Variants in SOX13 observed in about 807,000 individuals in gnomAD.
SOX13 encodes transcription factor SOX-13.
Under a neutral mutation model 71.8 loss-of-function variants are expected in SOX13, and 28 were observed. The ratio of observed to expected loss-of-function variants is 0.39; its 90% confidence interval spans 0.29 to 0.53. The LOEUF (loss-of-function observed/expected upper bound fraction) is 0.53. SOX13 is among the 20% of genes least tolerant of loss of function. The probability of loss-of-function intolerance (pLI) is 0.70; values close to 1 mark genes in which losing one functional copy is unlikely to be tolerated. For synonymous variants in SOX13, 309 were observed against 317.8 expected (o/e 0.97, Z 0.29); for missense variants, 627 against 810.3 (o/e 0.77, Z 2.75).
chr1:204,117,703 A>G lies in SOX13; in HGVS notation c.771A>G (p.Lys257=), dbSNP rs1403334116. 1 of 1,609,298 alleles carries G rather than the reference A, an allele frequency of 6.2e-7. No individual in the cohort carries two copies. Among genetic ancestry groups the G allele is most frequent in the East Asian group, 2.2e-5 (1 of 44,856 alleles). The change falls in exon 7 of 14, where the codon AAA becomes AAG. Residue 257 remains lysine (K), a synonymous_variant. Transcript: ENST00000367204. ...TACCCATTCAGCCCATTCCCTGCAA[A>G]CCAGGTGAGTGTGAGAAGGGAGGTT... ...LALPIQPIPC[K]PVEYPLQLLH...
Position 204,100,742 on chromosome 1 carries a change from G to T in SOX13, c.-1-12173G>T, listed in dbSNP as rs188044989. On this transcript the variant is annotated intron_variant, in intron 1 of 13. Coordinates refer to ENST00000367204, the MANE Select transcript of SOX13 (RefSeq NM_005686.3). ...ACTGGAAGAATGAATGCTGCCTGAG[G>T]AAGAGCTGCTAAACTGGGGTGTCCG... Among the ~76,000 whole-genome samples the T allele has an allele frequency of 1.1e-3, 167 of 152,356 alleles. 1 individual carries two copies. The highest frequency in any genetic ancestry group is 3.8e-3 in the African/African-American group (159 of 41,578).
intron 1 of SOX13, among the ~76,000 whole-genome samples, chr1:204,079,722 T>C (rs1415575161): frequency 1.3e-5 from 2 of 152,170 alleles, no homozygotes; most frequent in Admixed American, 6.5e-5. Flanking sequence ...CAGGGGGTCC[T>C]TCCTGCTTTA....
At chr1:204,108,053 G>A (rs1310050994) in intron 1 of SOX13, among the ~76,000 whole-genome samples, 2 of 152,180 alleles carry the variant, frequency 1.3e-5, no homozygotes, top group Admixed American at 1.3e-4. Context: ...GAGGCTAAGT[G>A]TGTGTAGAAG....
At chr1:204,105,999 C>T (rs1384700720) in intron 1 of SOX13, among the ~76,000 whole-genome samples, 1 of 152,158 alleles carries the variant, frequency 6.6e-6, no homozygotes, top group Non-Finnish European at 1.5e-5. Context: ...GGTTACTGAC[C>T]TTAAAACCTC....
In SOX13 at chr1:204,114,705, C is replaced by T. The variant is rs1656654157; in HGVS notation, c.418+100C>T. 4.5e-6 allele frequency: 4 copies of T among 892,194 alleles called. No homozygotes were observed. In the South Asian group the frequency reaches 5.4e-5, roughly 12 times the overall value. 55.3% of individuals were successfully genotyped at this position (892,194 alleles called of 1,614,324 possible). On this transcript the variant is annotated intron_variant, in intron 4 of 13. Coordinates refer to ENST00000367204, the MANE Select transcript of SOX13 (RefSeq NM_005686.3). ...TCTGTAGGGCAGTTCTTGGTACATACCTATCCTGTGCCATCTGGCTCCTGC... is the reference window on the plus strand; with the variant it reads ...TCTGTAGGGCAGTTCTTGGTACATATCTATCCTGTGCCATCTGGCTCCTGC...
chr1:204,117,012 C>G, intron 5 of SOX13, 110 bp from the exon 6 acceptor site: 1 of 1,084,478 alleles, frequency 9.2e-7, no homozygotes, highest in Non-Finnish European at 1.4e-6. Context: ...ACTGCCACCC[C>G]ACTCCATGGC....
intron 8 of SOX13, 32 bp from the exon 9 acceptor site, chr1:204,122,205 T>C: frequency 6.5e-7 from 1 of 1,528,852 alleles, no homozygotes; most frequent in Non-Finnish European, 8.8e-7. Context: ...CTTTGGTGTC[T>C]GTCATCCTCT....
intron 13 of SOX13, among the ~76,000 whole-genome samples, chr1:204,125,553 AC>A (rs1375816396): frequency 2.6e-5 from 4 of 152,188 alleles, no homozygotes; most frequent in Non-Finnish European, 4.4e-5. Flanking sequence ...ACAGAGCATG[AC>A]CCTGTCTCTA....
At chr1:204,107,324 A>G (rs1249731630) in intron 1 of SOX13, among the ~76,000 whole-genome samples, 2 of 152,294 alleles carry the variant, frequency 1.3e-5, no homozygotes, top group Non-Finnish European at 2.9e-5. Flanking sequence ...GGGTCTTCCA[A>G]GTTGTCCCCT....
At chr1:204,101,216 C>T (rs1321241172) in intron 1 of SOX13, among the ~76,000 whole-genome samples, 1 of 152,146 alleles carries the variant, frequency 6.6e-6, no homozygotes, top group Non-Finnish European at 1.5e-5. Context: ...ACCCATTTCT[C>T]CTGCCTCTGC....
intron 1 of SOX13, among the ~76,000 whole-genome samples, chr1:204,086,526 C>T (rs1175339651): frequency 6.6e-6 from 1 of 152,028 alleles, no homozygotes; most frequent in Admixed American, 6.6e-5. Context: ...TGGTCTCTAT[C>T]TCTTGACTTC....
At chr1:204,103,926 G>A (rs1362648831) in intron 1 of SOX13, among the ~76,000 whole-genome samples, 1 of 152,188 alleles carries the variant, frequency 6.6e-6, no homozygotes, top group Non-Finnish European at 1.5e-5. Flanking sequence ...CCTCAATGGC[G>A]CTTTCAAGCA....
intron 1 of SOX13, among the ~76,000 whole-genome samples, chr1:204,083,455 T>C (rs1655951113): frequency 6.6e-6 from 1 of 152,184 alleles, no homozygotes; most frequent in South Asian, 2.1e-4. Flanking sequence ...TATCCCTGCC[T>C]TCCTCTCTCT....
chr1:204,123,629 G>A lies in SOX13; in HGVS notation c.1232-32G>A. The A allele has an allele frequency of 1.9e-6, 3 of 1,606,170 alleles. No homozygotes were observed. The highest frequency in any genetic ancestry group is 2.6e-6 in the Non-Finnish European group (3 of 1,175,896). On this transcript the variant is annotated intron_variant, in intron 11 of 13. Transcript: ENST00000367204. This position sits in a 1 kb window ranked among gnomAD's most constrained non-coding sequence, Gnocchi z 5.0. ...GGGGCACTCTCCTGACCCCAGACAGGCTGCTTGGCTGACTTCACTCCTGTC... is the reference window on the plus strand; with the variant it reads ...GGGGCACTCTCCTGACCCCAGACAGACTGCTTGGCTGACTTCACTCCTGTC...
At chr1:204,093,534 A>G (rs988716498) in intron 1 of SOX13, among the ~76,000 whole-genome samples, 1 of 152,074 alleles carries the variant, frequency 6.6e-6, no homozygotes, top group Non-Finnish European at 1.5e-5. Context: ...GTGGGGGGCC[A>G]CCCCTCCCTC....
At chr1:204,102,228 G>C (rs2102242541) in intron 1 of SOX13, among the ~76,000 whole-genome samples, 2 of 152,340 alleles carry the variant, frequency 1.3e-5, no homozygotes, top group South Asian at 4.1e-4. Flanking sequence ...CATCAGCCTG[G>C]CGGGTAAACA....
At chr1:204,104,995 G>A (rs1431026551) in intron 1 of SOX13, among the ~76,000 whole-genome samples, 5 of 152,178 alleles carry the variant, frequency 3.3e-5, no homozygotes, top group South Asian at 2.1e-4. Context: ...GTTTGTGTGC[G>A]CCTGTGGGTT....
intron 1 of SOX13, among the ~76,000 whole-genome samples, chr1:204,109,678 C>T (rs879356556): frequency 1.3e-5 from 2 of 152,070 alleles, no homozygotes; most frequent in African/African-American, 4.8e-5. Context: ...ATAGTCATCC[C>T]GCTGTATCTG....
chr1:204,084,394 CCT>C (rs1655974460), intron 1 of SOX13, among the ~76,000 whole-genome samples: 1 of 152,158 alleles, frequency 6.6e-6, no homozygotes, highest in East Asian at 1.9e-4. Flanking sequence ...GCCTTTGCTG[CCT>C]CTCTCCTCCT....
Sources: gnomAD v4.1 joint callset for allele counts (sites outside exome capture counted in the v4.1 genomes callset) on GRCh38, gnomAD v4.1.1 for gene constraint, Gnocchi (gnomAD v3.1) non-coding constraint, MANE v1.5 for transcripts, NCBI Gene and HGNC (gene_info 2026-07-23, HGNC 2026-07-21) for gene names.